The following NCKAP5 variants were observed in gnomAD, a reference collection of about 807,000 sequenced individuals.
The protein encoded by NCKAP5 is nck-associated protein 5.
Under a neutral mutation model 167.0 loss-of-function variants are expected in NCKAP5, and 92 were observed. That is an observed-to-expected ratio of 0.55 (90% confidence interval 0.47 to 0.66). The LOEUF is 0.66. Ranked by LOEUF, NCKAP5 falls within the 30% of genes least tolerant of loss-of-function variation. The pLI, the probability that NCKAP5 is intolerant of heterozygous loss-of-function variation, is 0.00. For synonymous variants in NCKAP5, 891 were observed against 877.4 expected (o/e 1.02, Z -0.27); for missense variants, 2,378 against 2,315.0 (o/e 1.03, Z -0.56).
intron 4 of NCKAP5, among the ~76,000 whole-genome samples, chr2:133,222,918 G>A (rs921851215): frequency 9.2e-5 from 14 of 152,298 alleles, no homozygotes; most frequent in African/African-American, 2.6e-4. Flanking sequence ...CTGCCAGTGA[G>A]GTCATCACAA....
chr2:133,535,031 G>A lies in NCKAP5; in HGVS notation c.-61-17444C>T, dbSNP rs148561497. 3.6e-4 allele frequency among the ~76,000 whole-genome samples: 55 copies of A among 152,250 alleles called. 1 individual carries two copies. The highest frequency in any genetic ancestry group is 3.4e-3 in the Middle Eastern group (1 of 294). On this transcript the variant is annotated intron_variant, in intron 2 of 19. Coordinates refer to ENST00000409261, the MANE Select transcript of NCKAP5 (RefSeq NM_207363.3). The stretch of plus-strand genomic sequence containing the variant: ...TTTTTAACTATAGCCACTTATAAGT[G>A]GGTATGAAGAGGTATCTCATTGTGG...
At chr2:133,647,388 G>GAAGA in the NCKAP5 span, among the ~76,000 whole-genome samples, 16 of 114,982 alleles carry the variant, frequency 1.4e-4, 2 homozygotes, top group East Asian at 2.7e-3. Flanking sequence ...AGGAAGGAAG[G>GAAGA]AAGGAAGGAA....
intron 6 of NCKAP5, among the ~76,000 whole-genome samples, chr2:133,037,724 T>C (rs1342183033): frequency 2.0e-5 from 3 of 152,118 alleles, no homozygotes; most frequent in South Asian, 4.1e-4. Context: ...CTCCAGGACA[T>C]TGTTCTGGTC....
At chr2:133,483,353 T>G (rs1032518579) in intron 3 of NCKAP5, among the ~76,000 whole-genome samples, 8 of 152,146 alleles carry the variant, frequency 5.3e-5, no homozygotes, top group Non-Finnish European at 1.0e-4. Context: ...TAAACTACTC[T>G]AAAGAATTGT....
At chr2:133,337,202 A>C (rs919262548) in intron 3 of NCKAP5, among the ~76,000 whole-genome samples, 2 of 152,174 alleles carry the variant, frequency 1.3e-5, no homozygotes, top group African/African-American at 4.8e-5. Context: ...CACACTCAAC[A>C]TACCTGGGTT....
rs552505926 is a variant in NCKAP5, at chr2:133,508,461, G to T, written c.69+8997C>A. On this transcript the variant is annotated intron_variant, in intron 3 of 19. Transcript: ENST00000409261. ...TATATGTGACAAGATTTTTTTTAAA[G>T]CTTTGCAAAGCAGAAATCATAGTTT... Among the ~76,000 whole-genome samples the T allele has an allele frequency of 2.6e-5, 4 of 152,266 alleles. No individual in the cohort carries two copies. In the South Asian group the frequency reaches 8.3e-4, roughly 32 times the overall value.
At chr2:133,353,556 G>T (rs1358748173) in intron 3 of NCKAP5, among the ~76,000 whole-genome samples, 1 of 152,166 alleles carries the variant, frequency 6.6e-6, no homozygotes, top group Non-Finnish European at 1.5e-5. Context: ...GAGACCCATG[G>T]CCCTAAGTGG....
At chr2:132,812,461 G>A (rs1685953599) in intron 11 of NCKAP5, among the ~76,000 whole-genome samples, 1 of 152,128 alleles carries the variant, frequency 6.6e-6, no homozygotes, top group South Asian at 2.1e-4. Flanking sequence ...CTGCCCCTAT[G>A]GCACCTCATT....
intron 19 of NCKAP5, among the ~76,000 whole-genome samples, chr2:132,689,598 C>T (rs892291118): frequency 1.2e-4 from 18 of 152,232 alleles, no homozygotes; most frequent in South Asian, 8.3e-4. Flanking sequence ...GGCACTTGTG[C>T]GGCAACCAAC....
At chr2:132,847,893 A>C (rs1688787664) in intron 11 of NCKAP5, among the ~76,000 whole-genome samples, 1 of 152,206 alleles carries the variant, frequency 6.6e-6, no homozygotes, top group African/African-American at 2.4e-5. Flanking sequence ...AGGACTGAGA[A>C]GGATTGATTG....
intron 12 of NCKAP5, among the ~76,000 whole-genome samples, chr2:132,792,386 C>T (rs1203088103): frequency 2.0e-5 from 3 of 152,230 alleles, no homozygotes; most frequent in African/African-American, 7.2e-5. Flanking sequence ...TGTATCTCCA[C>T]AGATGCCTAC....
chr2:132,875,913 G>T (rs1268078234), intron 9 of NCKAP5, among the ~76,000 whole-genome samples: 1 of 152,130 alleles, frequency 6.6e-6, no homozygotes, highest in Middle Eastern at 3.2e-3. Flanking sequence ...GGATGTGCAT[G>T]CCTAGCAAGC....
rs78649464 is a variant in NCKAP5, at chr2:133,014,622, T to G, written c.342-20383A>C. On this transcript the variant is annotated intron_variant, in intron 6 of 19. Transcript: ENST00000409261. ...CACCAGGAAAAACATTAGATCAAGT[T>G]CACTTACCATGTTTGTAATCCAAAC... Among the ~76,000 whole-genome samples, 230 of 152,338 alleles carry G rather than the reference T, an allele frequency of 1.5e-3. 7 individuals carry two copies. The East Asian group carries it at 0.041, about 27-fold the overall frequency.
At chr2:133,024,508 G>A (rs1025680717) in intron 6 of NCKAP5, among the ~76,000 whole-genome samples, 2 of 152,106 alleles carry the variant, frequency 1.3e-5, no homozygotes, top group African/African-American at 4.8e-5. Context: ...TTTCATTAAA[G>A]ATAAAACATT....
chr2:133,632,651 C>G, the NCKAP5 span, among the ~76,000 whole-genome samples: 4 of 152,194 alleles, frequency 2.6e-5, no homozygotes, highest in Non-Finnish European at 5.9e-5. Context: ...CATCCTCCTG[C>G]GTCAGAGATG....
intron 3 of NCKAP5, among the ~76,000 whole-genome samples, chr2:133,311,751 A>G (rs942396997): frequency 1.1e-4 from 16 of 152,348 alleles, no homozygotes; most frequent in African/African-American, 3.6e-4. Flanking sequence ...GTCAGAAACC[A>G]GGAGTCAAAG....
chr2:133,170,443 A>T (rs1471585345), intron 5 of NCKAP5, among the ~76,000 whole-genome samples: 1 of 152,236 alleles, frequency 6.6e-6, no homozygotes, highest in African/African-American at 2.4e-5. Context: ...GTTTGTCATC[A>T]TCATCCATAG....
intron 6 of NCKAP5, among the ~76,000 whole-genome samples, chr2:133,054,080 C>T (rs1319895351): frequency 6.6e-6 from 1 of 152,122 alleles, no homozygotes; most frequent in Non-Finnish European, 1.5e-5. Flanking sequence ...ATGGCAAAGG[C>T]AAGTCAGAGG....
intron 4 of NCKAP5, among the ~76,000 whole-genome samples, chr2:133,297,720 G>A (rs1300086540): frequency 6.6e-6 from 1 of 152,140 alleles, no homozygotes; most frequent in African/African-American, 2.4e-5. Context: ...CCTCAAAGGT[G>A]GTAGCCATAA....
Sources: allele counts gnomAD v4.1 joint callset (sites outside exome capture counted in the v4.1 genomes callset), GRCh38; gene constraint gnomAD v4.1.1; transcripts MANE v1.5; gene names NCBI Gene and HGNC (gene_info 2026-07-23, HGNC 2026-07-21).